Variants in STAU2 observed in about 807,000 individuals in gnomAD.
The protein encoded by STAU2 is double-stranded RNA-binding protein Staufen homolog 2.
In STAU2, 20 loss-of-function variants were observed where a neutral mutation model predicts 65.9. The ratio of observed to expected loss-of-function variants is 0.30; its 90% confidence interval spans 0.21 to 0.44. STAU2 has a LOEUF of 0.44. Ranked by LOEUF, STAU2 falls within the 20% of genes least tolerant of loss-of-function variation. The probability of loss-of-function intolerance (pLI) is 1.00; values close to 1 mark genes in which losing one functional copy is unlikely to be tolerated. For synonymous variants in STAU2, 232 were observed against 233.9 expected (o/e 0.99, Z 0.07); for missense variants, 558 against 683.9 (o/e 0.82, Z 2.05).
At chr8:73,658,844 C>T (rs956054306) in intron 6 of STAU2, among the ~76,000 whole-genome samples, 1 of 150,836 alleles carries the variant, frequency 6.6e-6, no homozygotes, top group African/African-American at 2.4e-5. Context: ...ACCTGGGAGG[C>T]GGAGGTTGCA....
intron 13 of STAU2, among the ~76,000 whole-genome samples, chr8:73,428,659 T>C (rs1240790278): frequency 2.0e-5 from 3 of 152,164 alleles, no homozygotes; most frequent in Non-Finnish European, 4.4e-5. Flanking sequence ...TTAAAAATCT[T>C]TTAAAAAATC....
chr8:73,606,859 G>A (rs1812062465), intron 9 of STAU2, among the ~76,000 whole-genome samples: 1 of 152,030 alleles, frequency 6.6e-6, no homozygotes, highest in South Asian at 2.1e-4. Flanking sequence ...AACAAGTGGT[G>A]GTATATCAAT....
intron 13 of STAU2, among the ~76,000 whole-genome samples, chr8:73,450,888 GA>G (rs1200985768): frequency 2.0e-5 from 3 of 152,166 alleles, no homozygotes; most frequent in African/African-American, 7.2e-5. Flanking sequence ...CCCTAAAGGA[GA>G]CAGTGAGGCA....
At chr8:73,673,580 G>T (rs1817839203) in intron 5 of STAU2, among the ~76,000 whole-genome samples, 1 of 151,960 alleles carries the variant, frequency 6.6e-6, no homozygotes, top group African/African-American at 2.4e-5. Context: ...ACCCCAGAAA[G>T]CTTGCATGTA....
At chr8:73,639,990 C>T (rs1814834657) in intron 6 of STAU2, among the ~76,000 whole-genome samples, 2 of 152,008 alleles carry the variant, frequency 1.3e-5, no homozygotes, top group African/African-American at 4.8e-5. Flanking sequence ...ATGACTTCCT[C>T]GGGCCAACTA....
intron 10 of STAU2, among the ~76,000 whole-genome samples, chr8:73,603,005 T>G (rs1218608338): frequency 1.3e-5 from 2 of 152,190 alleles, no homozygotes; most frequent in South Asian, 2.1e-4. Context: ...ATAACTGTTG[T>G]GTTTGAGTGA....
At chr8:73,719,482 A>G (rs1028537717) in intron 3 of STAU2, among the ~76,000 whole-genome samples, 3 of 152,218 alleles carry the variant, frequency 2.0e-5, no homozygotes, top group Admixed American at 1.3e-4. Context: ...CAGGCTGGGA[A>G]AGTTCACTTC....
At position 73,709,086 on chromosome 8, in the gene STAU2, A is replaced by G; in HGVS notation, c.60T>C (p.Asn20=). Reference sequence around the variant, plus strand: ...GAAGTTTATACTGGGGTTGGACTCTATTGAAACGGGCTAACTCATTTACCA... The same window carrying G: ...GAAGTTTATACTGGGGTTGGACTCTGTTGAAACGGGCTAACTCATTTACCA... ...MCLVNELARF[N]RVQPQYKLLN... is the part of the protein sequence containing the mutation. The change falls in exon 4 of 15, where the codon AAT becomes AAC. Residue 20 remains asparagine (N), a synonymous_variant. Coordinates refer to ENST00000524300, the MANE Select transcript of STAU2 (RefSeq NM_001164380.2). The G allele has an allele frequency of 6.5e-7, 1 of 1,533,862 alleles. No homozygotes were observed. The highest frequency in any genetic ancestry group is 8.7e-7 in the Non-Finnish European group (1 of 1,145,146).
chr8:73,422,171 G>A lies in STAU2; in HGVS notation c.1619+443C>T, dbSNP rs1003996951. 2.0e-5 allele frequency among the ~76,000 whole-genome samples: 3 copies of A among 152,160 alleles called. No individual in the cohort carries two copies. The South Asian group carries it at 6.2e-4, about 32-fold the overall frequency. Reference sequence around the variant, plus strand: ...TTCATAGAAAACAACACGGAAAACCGAATGCAGCCGAGGGGAGGGGCGCCT... The same window carrying A: ...TTCATAGAAAACAACACGGAAAACCAAATGCAGCCGAGGGGAGGGGCGCCT... On this transcript the variant is annotated intron_variant, in intron 14 of 14. Coordinates refer to ENST00000524300, the MANE Select transcript of STAU2 (RefSeq NM_001164380.2).
chr8:73,518,512 T>C (rs528378680), intron 13 of STAU2, among the ~76,000 whole-genome samples: 85 of 152,228 alleles, frequency 5.6e-4, no homozygotes, highest in Non-Finnish European at 1.1e-3. Context: ...AAATAATGGT[T>C]GTGGCTGTGT....
Position 73,500,052 on chromosome 8 carries a change from C to G in STAU2, c.1530+51960G>C, listed in dbSNP as rs561610862. 2.0e-5 allele frequency among the ~76,000 whole-genome samples: 3 copies of G among 151,902 alleles called. No individual in the cohort carries two copies. In the South Asian group the frequency reaches 6.2e-4, roughly 32 times the overall value. The stretch of plus-strand genomic sequence containing the variant: ...ATCACTGAGAGTTCTTATTAAATAA[C>G]ATATATGTGTCTAGTACCATATGGG... On this transcript the variant is annotated intron_variant, in intron 13 of 14. Transcript: ENST00000524300.
chr8:73,688,520 GTGTGTGTGTGTAGGTATGGGCATA>G, intron 5 of STAU2, 110 bp downstream of exon 5: 3 of 747,658 alleles, frequency 4.0e-6, no homozygotes, highest in African/African-American at 1.8e-5. Flanking sequence ...GTGTGTGTGT[GTGTGTGTGTGTAGGTATGGGCATA>G]TGTGTACTAT....
At chr8:73,567,868 TG>T (rs1808736626) in intron 12 of STAU2, among the ~76,000 whole-genome samples, 1 of 151,630 alleles carries the variant, frequency 6.6e-6, no homozygotes, top group African/African-American at 2.4e-5. Context: ...AGGGGGGAGT[TG>T]GGCAGGATGG....
chr8:73,593,009 C>T (rs1810935149), intron 11 of STAU2, among the ~76,000 whole-genome samples: 1 of 152,182 alleles, frequency 6.6e-6, no homozygotes, highest in African/African-American at 2.4e-5. Context: ...ATTCTCTATT[C>T]CTTTTTGCAG....
At chr8:73,528,460 G>A (rs766556594) in intron 13 of STAU2, among the ~76,000 whole-genome samples, 15 of 152,146 alleles carry the variant, frequency 9.9e-5, no homozygotes, top group Non-Finnish European at 1.9e-4. Context: ...GGTACATGGG[G>A]AAGGGGGAAG....
chr8:73,646,938 G>GAGACAC (rs1554555345), intron 6 of STAU2, among the ~76,000 whole-genome samples: 2 of 143,968 alleles, frequency 1.4e-5, no homozygotes, highest in African/African-American at 2.5e-5. Context: ...CACACAGCCA[G>GAGACAC]ACACACACAC....
At chr8:73,661,537 T>A (rs1220704082) in intron 6 of STAU2, among the ~76,000 whole-genome samples, 1 of 152,134 alleles carries the variant, frequency 6.6e-6, no homozygotes, top group Non-Finnish European at 1.5e-5. Flanking sequence ...ATATTAACAA[T>A]CACCAAAATG....
At chr8:73,470,291 C>A (rs1461588588) in intron 13 of STAU2, among the ~76,000 whole-genome samples, 1 of 152,006 alleles carries the variant, frequency 6.6e-6, no homozygotes, top group Admixed American at 6.6e-5. Flanking sequence ...GAAAAAGATC[C>A]CCAGTTTTGC....
intron 12 of STAU2, among the ~76,000 whole-genome samples, chr8:73,554,150 A>G (rs1209038386): frequency 6.6e-6 from 1 of 152,188 alleles, no homozygotes; most frequent in Non-Finnish European, 1.5e-5. Flanking sequence ...TGCTTGTCTC[A>G]GTCCCATCAG....
Sources: gnomAD v4.1 joint callset for allele counts (sites outside exome capture counted in the v4.1 genomes callset) on GRCh38, gnomAD v4.1.1 for gene constraint, MANE v1.5 for transcripts, NCBI Gene and HGNC (gene_info 2026-07-23, HGNC 2026-07-21) for gene names.